EIF4G3: variants seen among roughly 807,000 people sequenced by gnomAD.
The protein encoded by EIF4G3 is eIF-4-gamma 3.
Under a neutral mutation model 186.4 loss-of-function variants are expected in EIF4G3, and 34 were observed. That is an observed-to-expected ratio of 0.18 (90% confidence interval 0.14 to 0.24). The LOEUF is 0.24. EIF4G3 is among the 10% of genes least tolerant of loss of function. EIF4G3 has a pLI of 1.00. For synonymous variants in EIF4G3, 673 were observed against 679.5 expected (o/e 0.99, Z 0.15); for missense variants, 1,536 against 1,948.5 (o/e 0.79, Z 3.99).
At chr1:20,855,281 A>G (rs1016411285) in intron 25 of EIF4G3, among the ~76,000 whole-genome samples, 1 of 152,126 alleles carries the variant, frequency 6.6e-6, no homozygotes, top group African/African-American at 2.4e-5. Flanking sequence ...TCCAGTTTCC[A>G]CAAAAAACTG....
At chr1:20,871,992 T>C (rs2079329037) in intron 20 of EIF4G3, among the ~76,000 whole-genome samples, 1 of 152,058 alleles carries the variant, frequency 6.6e-6, no homozygotes, top group Non-Finnish European at 1.5e-5. Flanking sequence ...CCCAGCTAAT[T>C]CATTTCTTTT....
intron 14 of EIF4G3, among the ~76,000 whole-genome samples, chr1:20,930,862 CA>C (rs1159862542): frequency 1.3e-5 from 2 of 151,412 alleles, no homozygotes; most frequent in Admixed American, 1.3e-4. Flanking sequence ...CCATGAATTA[CA>C]ATTTTTTTTT....
intron 15 of EIF4G3, among the ~76,000 whole-genome samples, chr1:20,901,970 G>A (rs1427315047): frequency 6.6e-6 from 1 of 151,956 alleles, no homozygotes; most frequent in Non-Finnish European, 1.5e-5. Flanking sequence ...TATAATAATT[G>A]ATGAAATGCT....
intron 14 of EIF4G3, among the ~76,000 whole-genome samples, chr1:20,932,915 G>A (rs777747150): frequency 3.3e-5 from 5 of 152,022 alleles, no homozygotes; most frequent in Non-Finnish European, 7.3e-5. Context: ...AAAAAAAACC[G>A]TATCAGTGAA....
chr1:21,064,305 G>C (rs760491677), intron 3 of EIF4G3, among the ~76,000 whole-genome samples: 1 of 152,018 alleles, frequency 6.6e-6, no homozygotes. Flanking sequence ...ATCTGTTTGC[G>C]CCCTTGCAAT....
intron 2 of EIF4G3, among the ~76,000 whole-genome samples, chr1:21,164,326 C>A (rs893041231): frequency 6.6e-6 from 1 of 152,146 alleles, no homozygotes; most frequent in African/African-American, 2.4e-5. Flanking sequence ...CACTTGTTTT[C>A]CGGGCATAAA....
chr1:20,849,362 C>A (rs7525082), intron 29 of EIF4G3, 53 bp downstream of exon 29: 978,665 of 991,740 alleles, frequency 0.99, 483,970 homozygotes, highest in East Asian at 1. Context: ...CCAAGTTATT[C>A]TATACTATCA....
chr1:20,862,957 T>G lies in EIF4G3; in HGVS notation c.3007-625A>C, dbSNP rs1317280409. ...CTACACCCAGCTAAATTTTTCTGTG[T>G]GTATGATTTTTTGGACATAGGAAAT... On this transcript the variant is annotated intron_variant, in intron 22 of 36. Coordinates refer to ENST00000602326, the MANE Select transcript of EIF4G3 (RefSeq NM_001391906.1). Among the ~76,000 whole-genome samples, 59 of 151,892 alleles carry G rather than the reference T, an allele frequency of 3.9e-4. 1 individual carries two copies. The highest frequency in any genetic ancestry group is 5.9e-5 in the Non-Finnish European group (4 of 67,972).
chr1:21,173,353 C>T lies in EIF4G3; in HGVS notation c.-272+2822G>A, dbSNP rs571783675. ...CTGAAATTACAGGCAGGCGCCACCA[C>T]GCCCGGCTAATTTTTGTACTTTTAG... On this transcript the variant is annotated intron_variant, in intron 2 of 36. Coordinates refer to ENST00000602326, the MANE Select transcript of EIF4G3 (RefSeq NM_001391906.1). Among the ~76,000 whole-genome samples, 134 of 151,930 alleles carry T rather than the reference C, an allele frequency of 8.8e-4. 1 individual carries two copies. Among genetic ancestry groups the T allele is most frequent in the Non-Finnish European group, 4.4e-4 (30 of 67,972 alleles).
chr1:21,156,144 A>AC (rs1491358846), intron 2 of EIF4G3, among the ~76,000 whole-genome samples: 1 of 147,322 alleles, frequency 6.8e-6, no homozygotes, highest in Non-Finnish European at 1.5e-5. Context: ...AAAAAAAACA[A>AC]CAAAAAAAAA....
At chr1:21,139,833 T>C (rs1361319701) in intron 2 of EIF4G3, among the ~76,000 whole-genome samples, 1 of 152,172 alleles carries the variant, frequency 6.6e-6, no homozygotes, top group Non-Finnish European at 1.5e-5. Flanking sequence ...CCCGAGTAGC[T>C]AGGACTACAG....
intron 3 of EIF4G3, chr1:21,073,829 C>CA (rs1443060762): frequency 2.9e-5 from 9 of 309,630 alleles, no homozygotes; most frequent in African/African-American, 6.5e-5. Flanking sequence ...TTAATGGAGA[C>CA]AGGTTTTCAC....
At chr1:20,859,924 T>G (rs1391938255) in intron 24 of EIF4G3, among the ~76,000 whole-genome samples, 1 of 152,242 alleles carries the variant, frequency 6.6e-6, no homozygotes, top group Non-Finnish European at 1.5e-5. Context: ...TAAATAAAGT[T>G]TTCTTTCAGC....
Position 21,089,223 on chromosome 1 carries a change from C to G in EIF4G3, c.-271-10G>C. The stretch of plus-strand genomic sequence containing the variant: ...AGGTCCTCTAGGAATTCTAGAAGAG[C>G]GAGTTAAGGATAAGAGAATTCAAAA... On this transcript the variant is annotated splice_polypyrimidine_tract_variant and intron_variant, in intron 2 of 36. Transcript: ENST00000602326. 1.4e-6 allele frequency: 1 copy of G among 716,390 alleles called. No homozygotes were observed. Among genetic ancestry groups the G allele is most frequent in the Non-Finnish European group, 2.6e-6 (1 of 384,780 alleles). The allele number at this position is 716,390 out of a possible 1,614,324, so 44.4% of individuals were successfully genotyped here.
intron 2 of EIF4G3, among the ~76,000 whole-genome samples, chr1:21,092,790 A>C (rs989189348): frequency 6.6e-6 from 1 of 152,190 alleles, no homozygotes; most frequent in African/African-American, 2.4e-5. Context: ...CTCAGAAATA[A>C]TACCACACAT....
At chr1:20,859,857 T>G (rs1259130494) in intron 24 of EIF4G3, among the ~76,000 whole-genome samples, 2 of 152,210 alleles carry the variant, frequency 1.3e-5, no homozygotes, top group African/African-American at 2.4e-5. Context: ...CCTCCCGAAG[T>G]GCTGGGATTA....
chr1:20,810,824 A>G lies in EIF4G3; in HGVS notation c.4658T>C (p.Leu1553Pro). 1 of 1,614,190 alleles carries G rather than the reference A, an allele frequency of 6.2e-7. No individual in the cohort carries two copies. Among genetic ancestry groups the G allele is most frequent in the Non-Finnish European group, 8.5e-7 (1 of 1,180,008 alleles). Residue 1553 changes from leucine to proline, a missense_variant, in exon 36 of 37, where the codon CTC (leucine) becomes CCC (proline). This residue lies in a region of EIF4G3 where 395 missense variants were observed against 498.9 expected (regional missense o/e 0.79). Transcript: ENST00000602326. The surrounding 1 kb of genome is among the most constrained non-coding windows in gnomAD (Gnocchi z 4.1). ...CTCTGTATCTGAGTCTAGGTACTTG[A>G]GTAAGATCGGCACTCTCTGCTTGAT... ...AVIKQRVPILLKYLDSDTEKE... is the reference protein window; with the variant it reads ...AVIKQRVPILPKYLDSDTEKE...
intron 3 of EIF4G3, among the ~76,000 whole-genome samples, chr1:21,067,131 CTTTTTTTTTTTT>C (rs1392802757): frequency 8.2e-6 from 1 of 122,654 alleles, no homozygotes. Flanking sequence ...TTTTTCTTTT[CTTTTTTTTTTTT>C]TTTTTTGAGA....
intron 4 of EIF4G3, among the ~76,000 whole-genome samples, chr1:21,017,718 C>CA (rs1008176779): frequency 1.4e-5 from 2 of 138,670 alleles, no homozygotes; most frequent in African/African-American, 5.4e-5. Context: ...TGGCATGAAA[C>CA]AAAAAAATTT....
Sources: allele counts gnomAD v4.1 joint callset (sites outside exome capture counted in the v4.1 genomes callset), GRCh38; gene constraint gnomAD v4.1.1; regional missense constraint gnomAD v4.1.1; non-coding constraint Gnocchi (gnomAD v3.1); transcripts MANE v1.5; gene names NCBI Gene and HGNC (gene_info 2026-07-23, HGNC 2026-07-21).